Variants in MDGA2 observed in about 807,000 individuals in gnomAD.
MDGA2 encodes the protein MAM domain-containing glycosylphosphatidylinositol anchor protein 2.
Under a neutral mutation model 117.8 loss-of-function variants are expected in MDGA2, and 40 were observed. The ratio of observed to expected loss-of-function variants is 0.34; its 90% CI spans 0.26 to 0.44. MDGA2 has a LOEUF of 0.44. Ranked by LOEUF, MDGA2 falls within the 20% of genes least tolerant of loss-of-function variation. MDGA2 has a pLI of 1.00. For synonymous variants in MDGA2, 452 were observed against 439.0 expected, an observed-to-expected ratio of 1.03 and a Z score of -0.37; for missense variants, 1,123 against 1,250.6, an observed-to-expected ratio of 0.90 and a Z score of 1.54.
At chr14:47,620,014 G>T (rs1897021904) in intron 1 of MDGA2, among the ~76,000 whole-genome samples, 1 of 152,266 alleles carries the variant, frequency 6.6e-6, no homozygotes, top group East Asian at 1.9e-4. Flanking sequence ...CCAATGAAAG[G>T]TTCACAGGAA....
intron 1 of MDGA2, among the ~76,000 whole-genome samples, chr14:47,564,108 C>A (rs1047327408): frequency 6.6e-6 from 1 of 152,130 alleles, no homozygotes; most frequent in African/African-American, 2.4e-5. Context: ...TGTAGGTTTT[C>A]TGCTAAAAGG....
intron 1 of MDGA2, among the ~76,000 whole-genome samples, chr14:47,384,893 C>G (rs1281778981): frequency 1.3e-5 from 2 of 152,148 alleles, no homozygotes; most frequent in Non-Finnish European, 2.9e-5. Flanking sequence ...ATAGCTGAGC[C>G]TATAACAATG....
intron 1 of MDGA2, among the ~76,000 whole-genome samples, chr14:47,610,959 A>C (rs1896836978): frequency 6.6e-6 from 1 of 152,172 alleles, no homozygotes; most frequent in South Asian, 2.1e-4. Flanking sequence ...ATTTCAAACT[A>C]TACTATAAGG....
chr14:47,477,396 A>T (rs1165701708), intron 1 of MDGA2, among the ~76,000 whole-genome samples: 4 of 152,164 alleles, frequency 2.6e-5, no homozygotes, highest in African/African-American at 9.7e-5. Context: ...AAAGTAATTC[A>T]TTGTGAAATG....
At chr14:47,334,344 AT>A (rs1890379499) in intron 1 of MDGA2, among the ~76,000 whole-genome samples, 1 of 151,908 alleles carries the variant, frequency 6.6e-6, no homozygotes, top group Non-Finnish European at 1.5e-5. Context: ...TCAGTGGATC[AT>A]GTCTGTTTTG....
intron 1 of MDGA2, among the ~76,000 whole-genome samples, chr14:47,331,089 T>G (rs918591251): frequency 6.6e-6 from 1 of 151,844 alleles, no homozygotes; most frequent in African/African-American, 2.4e-5. Flanking sequence ...TAATGAAAAT[T>G]TTGTAAATTG....
intron 2 of MDGA2, among the ~76,000 whole-genome samples, chr14:47,266,436 C>A (rs1326084305): frequency 6.6e-6 from 1 of 152,168 alleles, no homozygotes; most frequent in South Asian, 2.1e-4. Context: ...AATGTAACTA[C>A]GAGTCTTCTA....
intron 3 of MDGA2, among the ~76,000 whole-genome samples, chr14:47,213,210 G>C (rs768189745): frequency 6.6e-5 from 10 of 152,046 alleles, no homozygotes; most frequent in Non-Finnish European, 1.5e-4. Flanking sequence ...TGGCCATACA[G>C]AAGATTCTAG....
Position 47,505,817 on chromosome 14 carries a change from C to A in MDGA2, c.280+168700G>T, listed in dbSNP as rs552874631. 6.6e-5 allele frequency among the ~76,000 whole-genome samples: 10 copies of A among 152,230 alleles called. No individual in the cohort carries two copies. In the South Asian group the frequency reaches 8.3e-4, roughly 13 times the overall value. On this transcript the variant is annotated intron_variant, in intron 1 of 16. Coordinates refer to ENST00000399232, the MANE Select transcript of MDGA2 (RefSeq NM_001113498.3). ...AGACCTTCATGTGTTCGGCATATAT[C>A]CATTATGAGTCTTGTCTATTGATTT...
intron 3 of MDGA2, among the ~76,000 whole-genome samples, chr14:47,189,852 T>A (rs1485053167): frequency 6.6e-6 from 1 of 152,182 alleles, no homozygotes; most frequent in Admixed American, 6.5e-5. Context: ...TTTGGTGGTC[T>A]TTCTCACTGA....
At chr14:47,433,632 G>A (rs1028486201) in intron 1 of MDGA2, among the ~76,000 whole-genome samples, 2 of 152,064 alleles carry the variant, frequency 1.3e-5, no homozygotes, top group Admixed American at 6.6e-5. Flanking sequence ...CTGGATTCAC[G>A]ACATCAGGGA....
At chr14:47,192,026 T>A (rs1294659987) in intron 3 of MDGA2, among the ~76,000 whole-genome samples, 1 of 152,164 alleles carries the variant, frequency 6.6e-6, no homozygotes, top group Non-Finnish European at 1.5e-5. Flanking sequence ...AAGCAATTAA[T>A]GAAGCCCCTG....
At chr14:47,298,507 A>G (rs928528807) in intron 2 of MDGA2, among the ~76,000 whole-genome samples, 3 of 152,070 alleles carry the variant, frequency 2.0e-5, no homozygotes, top group Non-Finnish European at 4.4e-5. Flanking sequence ...TTATACTCAG[A>G]TTAGACCAAG....
At chr14:47,431,097 T>C (rs945448489) in intron 1 of MDGA2, among the ~76,000 whole-genome samples, 2 of 152,058 alleles carry the variant, frequency 1.3e-5, no homozygotes, top group African/African-American at 2.4e-5. Flanking sequence ...TAATGTGTGA[T>C]TGAATAGGTT....
At chr14:47,457,812 G>GTTTTTTTTT (rs34337535) in intron 1 of MDGA2, among the ~76,000 whole-genome samples, 4 of 143,658 alleles carry the variant, frequency 2.8e-5, no homozygotes, top group Admixed American at 6.9e-5. Flanking sequence ...ATTTTTTTCT[G>GTTTTTTTTT]TTTTTTTTTT....
chr14:47,325,245 G>T (rs1251237197), intron 1 of MDGA2, among the ~76,000 whole-genome samples: 3 of 152,126 alleles, frequency 2.0e-5, no homozygotes, highest in Non-Finnish European at 2.9e-5. Context: ...CAACACTGAA[G>T]TCATTCATCA....
chr14:47,399,393 T>A (rs996079490), intron 1 of MDGA2, among the ~76,000 whole-genome samples: 1 of 152,192 alleles, frequency 6.6e-6, no homozygotes, highest in Admixed American at 6.5e-5. Context: ...ATAGGAAATA[T>A]CTATTTGCAT....
intron 1 of MDGA2, among the ~76,000 whole-genome samples, chr14:47,310,661 C>T (rs1257890326): frequency 6.6e-6 from 1 of 151,902 alleles, no homozygotes; most frequent in Non-Finnish European, 1.5e-5. Context: ...TTGTCTCCCA[C>T]TAAAGGTTAA....
intron 9 of MDGA2, among the ~76,000 whole-genome samples, chr14:46,936,892 G>T (rs548771873): frequency 1.6e-4 from 25 of 151,826 alleles, no homozygotes; most frequent in Non-Finnish European, 2.8e-4. Flanking sequence ...ACAAGACAAG[G>T]ATGCCCACTC....
Sources: allele counts gnomAD v4.1 joint callset (sites outside exome capture counted in the v4.1 genomes callset), GRCh38; gene constraint gnomAD v4.1.1; transcripts MANE v1.5; gene names NCBI Gene and HGNC (gene_info 2026-07-23, HGNC 2026-07-21).